CNTNAP3B: variants seen among roughly 807,000 people sequenced by gnomAD.
CNTNAP3B encodes contactin associated protein family member 3B.
CNTNAP3B carries 25 observed loss-of-function variants against 108.9 expected under a neutral mutation model. The ratio of observed to expected loss-of-function variants is 0.23; its 90% CI spans 0.17 to 0.32. The LOEUF is 0.32. Ranked by LOEUF, CNTNAP3B falls within the 10% of genes least tolerant of loss-of-function variation. CNTNAP3B has a pLI of 1.00. For missense variants in CNTNAP3B, 252 were observed against 1,210.4 expected, an observed-to-expected ratio of 0.21 and a Z score of 11.75; for synonymous variants, 103 against 473.4, an observed-to-expected ratio of 0.22 and a Z score of 10.16.
chr9:41,974,366 C>T lies in CNTNAP3B; in HGVS notation c.1478-4121G>A, dbSNP rs1272864320. The T allele has an allele frequency of 3.1e-5, 9 of 290,660 alleles. 2 individuals are homozygous for T. The highest frequency in any genetic ancestry group is 2.4e-4 in the East Asian group (2 of 8,480). 18.0% of individuals were successfully genotyped at this position (290,660 alleles called of 1,614,324 possible). ...TTAAATTGAAAAAAAAAAAAAGATG[C>T]CCCCATACGATGGCCTGAGAGTGGA... On this transcript the variant is annotated intron_variant, in intron 9 of 23. Transcript: ENST00000377561.
chr9:42,089,619 C>A (rs1180936665), intron 2 of CNTNAP3B, among the ~76,000 whole-genome samples: 3 of 147,580 alleles, frequency 2.0e-5, no homozygotes, highest in African/African-American at 7.7e-5. Context: ...ATATCCTGAG[C>A]TATTCATTTT....
chr9:41,942,381 C>T (rs1168718829), intron 13 of CNTNAP3B, among the ~76,000 whole-genome samples: 509 of 152,102 alleles, frequency 3.3e-3, no homozygotes, highest in African/African-American at 0.01. Flanking sequence ...GAGGCTGAGG[C>T]GGGCGGATCA....
chr9:42,090,016 T>C (rs1398737808), intron 2 of CNTNAP3B, among the ~76,000 whole-genome samples: 28 of 138,712 alleles, frequency 2.0e-4, no homozygotes, highest in Admixed American at 1.2e-3. Context: ...AAAATACATA[T>C]ACGCTTTTGC....
intron 1 of CNTNAP3B, among the ~76,000 whole-genome samples, chr9:42,125,665 G>GTTTTT (rs200934708): frequency 8.4e-6 from 1 of 118,970 alleles, no homozygotes; most frequent in African/African-American, 3.5e-5. Flanking sequence ...TACATTTTTT[G>GTTTTT]TTTTTTTTTT....
intron 2 of CNTNAP3B, among the ~76,000 whole-genome samples, chr9:42,103,600 T>C (rs1587274285): frequency 9.2e-6 from 1 of 109,136 alleles, no homozygotes; most frequent in Non-Finnish European, 1.9e-5. Context: ...TCAGGCCTGG[T>C]GGCGGGTGCC....
chr9:41,949,735 C>T (rs1824622404), intron 13 of CNTNAP3B, among the ~76,000 whole-genome samples: 1 of 152,032 alleles, frequency 6.6e-6, no homozygotes, highest in South Asian at 2.1e-4. Flanking sequence ...CAAAATAGGG[C>T]ATGGAATTAA....
chr9:41,924,645 G>GCACACACACACACACA (rs200851620), intron 15 of CNTNAP3B, among the ~76,000 whole-genome samples: 10 of 135,056 alleles, frequency 7.4e-5, no homozygotes, highest in Non-Finnish European at 1.3e-4. Flanking sequence ...TTTCCTTCCT[G>GCACACACACACACACA]CACACACACA....
At chr9:41,959,996 C>CTTTTTTTTTTTTTT (rs144746031) in intron 12 of CNTNAP3B, 2 of 137,254 alleles carry the variant, frequency 1.5e-5, no homozygotes, top group Non-Finnish European at 1.6e-5. Flanking sequence ...TCTTTTTTTC[C>CTTTTTTTTTTTTTT]TTTTTTTTTT....
At chr9:42,031,004 A>G (rs1253144327) in intron 3 of CNTNAP3B, among the ~76,000 whole-genome samples, 2 of 104,864 alleles carry the variant, frequency 1.9e-5, no homozygotes, top group African/African-American at 7.7e-5. Context: ...AGACATCTCT[A>G]GCAAAATGAA....
chr9:41,927,249 T>C (rs1217637477), intron 15 of CNTNAP3B, among the ~76,000 whole-genome samples: 2 of 149,618 alleles, frequency 1.3e-5, no homozygotes, highest in South Asian at 4.3e-4. Flanking sequence ...GAGATGAATG[T>C]CGAGAAGAAT....
At chr9:41,957,984 G>C (rs1259257480) in intron 12 of CNTNAP3B, among the ~76,000 whole-genome samples, 9 of 152,140 alleles carry the variant, frequency 5.9e-5, no homozygotes, top group Non-Finnish European at 1.0e-4. Context: ...GGATGGTCTC[G>C]ATCTCCTGAC....
At chr9:41,957,545 A>C (rs1224372527) in intron 12 of CNTNAP3B, among the ~76,000 whole-genome samples, 1 of 141,826 alleles carries the variant, frequency 7.1e-6, no homozygotes. Flanking sequence ...CATCAAAGGC[A>C]TTCTTCATTT....
At chr9:42,095,465 T>C (rs1225221021) in intron 2 of CNTNAP3B, among the ~76,000 whole-genome samples, 2 of 139,312 alleles carry the variant, frequency 1.4e-5, no homozygotes, top group Non-Finnish European at 3.1e-5. Context: ...TTTCAGACTT[T>C]CAAAGAAAAT....
At chr9:41,934,122 T>TATATACAC (rs1214326050) in intron 14 of CNTNAP3B, among the ~76,000 whole-genome samples, 1 of 73,474 alleles carries the variant, frequency 1.4e-5, no homozygotes, top group African/African-American at 5.9e-5. Flanking sequence ...TATATATATA[T>TATATACAC]ACACACACAT....
At chr9:42,100,012 G>A (rs1348543291) in intron 2 of CNTNAP3B, among the ~76,000 whole-genome samples, 4 of 48,692 alleles carry the variant, frequency 8.2e-5, no homozygotes, top group South Asian at 1.6e-3. Context: ...GTATGATCAG[G>A]GATATAATAA....
In CNTNAP3B at chr9:41,963,305, G is replaced by T. The variant is rs574052844; in HGVS notation, c.1756+1233C>A. 3.3e-5 allele frequency among the ~76,000 whole-genome samples: 5 copies of T among 152,272 alleles called. No individual in the cohort carries two copies. In the East Asian group the frequency reaches 9.7e-4, roughly 29 times the overall value. ...TTTCCTTGAAGACCCAGGGATGGGC[G>T]AAATATTCCTGAGGAGAAGTTGCTC... On this transcript the variant is annotated intron_variant, in intron 11 of 23. Transcript: ENST00000377561.
chr9:41,944,247 AAGGT>A (rs1442494358), intron 13 of CNTNAP3B, among the ~76,000 whole-genome samples: 1 of 148,564 alleles, frequency 6.7e-6, no homozygotes, highest in Non-Finnish European at 1.5e-5. Flanking sequence ...TACATAAAGA[AAGGT>A]AGGAGCATTA....
intron 7 of CNTNAP3B, chr9:41,994,542 A>G: frequency 5.2e-6 from 1 of 192,108 alleles, no homozygotes; most frequent in Non-Finnish European, 9.4e-6. Flanking sequence ...TTTTTCATGT[A>G]TCTTGATGGT....
intron 3 of CNTNAP3B, among the ~76,000 whole-genome samples, chr9:42,014,726 G>A (rs1188381754): frequency 1.9e-5 from 1 of 53,462 alleles, no homozygotes; most frequent in Non-Finnish European, 3.5e-5. Context: ...GGGAGGTGGA[G>A]CTTGCAGTGA....
Sources: allele counts gnomAD v4.1 joint callset (sites outside exome capture counted in the v4.1 genomes callset), GRCh38; gene constraint gnomAD v4.1.1; transcripts MANE v1.5; gene names NCBI Gene and HGNC (gene_info 2026-07-23, HGNC 2026-07-21).